Variants in PPFIA1 observed in about 807,000 individuals in gnomAD.
PPFIA1 encodes the protein liprin-alpha-1.
PPFIA1 carries 25 observed loss-of-function variants against 149.9 expected under a neutral mutation model. The observed-to-expected ratio is 0.17, with a 90% CI of 0.12 to 0.23. The LOEUF (loss-of-function observed/expected upper bound fraction) is 0.23. Ranked by LOEUF, PPFIA1 falls within the 10% of genes least tolerant of loss-of-function variation. PPFIA1 has a pLI of 1.00. For synonymous variants in PPFIA1, 549 were observed against 552.8 expected (o/e 0.99, Z 0.10); for missense variants, 1,362 against 1,506.5 (o/e 0.90, Z 1.59).
intron 2 of PPFIA1, among the ~76,000 whole-genome samples, chr11:70,288,069 CTTT>C (rs56261744): frequency 7.2e-6 from 1 of 138,132 alleles, no homozygotes; most frequent in Non-Finnish European, 1.5e-5. Flanking sequence ...CTCACCTCTG[CTTT>C]TTTTTTTTTT....
chr11:70,360,254 G>C (rs2056571094), intron 19 of PPFIA1, among the ~76,000 whole-genome samples: 1 of 152,246 alleles, frequency 6.6e-6, no homozygotes, highest in Admixed American at 6.5e-5. Context: ...ATCATTGCCA[G>C]GAAGAGGGTA....
intron 2 of PPFIA1, among the ~76,000 whole-genome samples, chr11:70,307,863 C>G (rs374941582): frequency 2.0e-5 from 3 of 152,156 alleles, no homozygotes; most frequent in East Asian, 1.9e-4. Flanking sequence ...GTGTTCAGGG[C>G]TCCAGTGAGC....
intron 2 of PPFIA1, among the ~76,000 whole-genome samples, chr11:70,291,893 A>C (rs2051551323): frequency 7.4e-6 from 1 of 135,712 alleles, no homozygotes; most frequent in Non-Finnish European, 1.5e-5. Flanking sequence ...GCTGGAGTGT[A>C]GTGGTGCGAT....
intron 1 of PPFIA1, 109 bp from the exon 2 acceptor site, chr11:70,272,064 G>A (rs967273409): frequency 8.3e-7 from 1 of 1,208,158 alleles, no homozygotes; most frequent in Non-Finnish European, 1.2e-6. Context: ...ACAGATCTGA[G>A]CATAATGAGA....
intron 13 of PPFIA1, 48 bp downstream of exon 13, chr11:70,338,501 G>A: frequency 3.3e-6 from 5 of 1,502,912 alleles, no homozygotes; most frequent in Non-Finnish European, 4.6e-6. Context: ...CCTGTGGCAG[G>A]CCAGTTCTTG....
chr11:70,337,692 T>C (rs1003993342), intron 12 of PPFIA1, among the ~76,000 whole-genome samples: 1 of 152,246 alleles, frequency 6.6e-6, no homozygotes, highest in Non-Finnish European at 1.5e-5. Flanking sequence ...ATGACAGTGC[T>C]GTCCAACAGA....
At chr11:70,375,466 A>G (rs1285073273) in intron 24 of PPFIA1, 1 of 156,256 alleles carries the variant, frequency 6.4e-6, no homozygotes, top group East Asian at 1.8e-4. Context: ...GGCTCATTTG[A>G]AAAACAGGGA....
intron 2 of PPFIA1, among the ~76,000 whole-genome samples, chr11:70,285,951 A>G (rs375852667): frequency 6.6e-6 from 1 of 152,120 alleles, no homozygotes; most frequent in Non-Finnish European, 1.5e-5. Context: ...CCAAACTTAC[A>G]TAGTTCGGTT....
chr11:70,295,679 C>T (rs542503864), intron 2 of PPFIA1, among the ~76,000 whole-genome samples: 25,639 of 126,690 alleles, frequency 0.2, 3,992 homozygotes, highest in African/African-American at 0.44. Context: ...GCTGGCCGGG[C>T]CGGGGGCTGA....
rs529786935 is a variant in PPFIA1, at chr11:70,300,458, C to T, written c.265-23944C>T. On this transcript the variant is annotated intron_variant, in intron 2 of 27. Transcript: ENST00000253925. ...GATCTGGGCTCACTGCAGCCTCCGT[C>T]TCCTGGGTTCAAGCACTTCTCCTGC... Among the ~76,000 whole-genome samples, 229 of 152,154 alleles carry T rather than the reference C, an allele frequency of 1.5e-3. 1 individual carries two copies. The highest frequency in any genetic ancestry group is 5.4e-3 in the African/African-American group (222 of 41,488).
chr11:70,353,278 A>G (rs1271991789), intron 16 of PPFIA1, among the ~76,000 whole-genome samples: 1 of 152,186 alleles, frequency 6.6e-6, no homozygotes, highest in Non-Finnish European at 1.5e-5. Context: ...GGCCGAGGCA[A>G]GAATCAGTTG....
intron 2 of PPFIA1, among the ~76,000 whole-genome samples, chr11:70,274,254 C>T (rs1265818365): frequency 6.6e-6 from 1 of 152,148 alleles, no homozygotes; most frequent in Non-Finnish European, 1.5e-5. Context: ...ATTGTGGAGG[C>T]AAGTTAGAGT....
chr11:70,352,108 G>A (rs1386967967), intron 16 of PPFIA1, among the ~76,000 whole-genome samples: 1 of 152,226 alleles, frequency 6.6e-6, no homozygotes, highest in East Asian at 1.9e-4. Context: ...AAAGGCAGCT[G>A]TCCTCTGACA....
chr11:70,380,836 G>GATT (rs962125015), intron 26 of PPFIA1, among the ~76,000 whole-genome samples: 11 of 151,244 alleles, frequency 7.3e-5, no homozygotes, highest in East Asian at 4.0e-4. Context: ...CTGCTAAAGG[G>GATT]ATTATTATTA....
Position 70,372,250 on chromosome 11 carries a change from C to G in PPFIA1, c.2901C>G (p.Ile967Met). 6.2e-7 allele frequency: 1 copy of G among 1,614,126 alleles called. No homozygotes were observed. The highest frequency in any genetic ancestry group is 2.2e-5 in the East Asian group (1 of 44,884). Residue 967 changes from isoleucine to methionine, a missense_variant, in exon 22 of 28, where the codon ATC (isoleucine) becomes ATG (methionine). Physicochemically the swap from Ile to Met is conservative, Grantham distance 10. Around this residue, in one of 7 missense-constraint regions of PPFIA1, gnomAD observed 349 missense variants for 373.3 expected, o/e 0.93. Coordinates refer to ENST00000253925, the MANE Select transcript of PPFIA1 (RefSeq NM_003626.5). ...LAYGDMNHEW[I>M]GNEWLPSLGL... ...ATGGGGACATGAACCACGAGTGGAT[C>G]GGCAACGAGTGGCTCCCCAGCCTGG...
intron 1 of PPFIA1, chr11:70,271,295 G>A (rs1156680333): frequency 6.6e-6 from 1 of 152,542 alleles, no homozygotes; most frequent in African/African-American, 2.4e-5. Flanking sequence ...GGCTCGAGCA[G>A]GCTGGAGGTC....
At chr11:70,341,063 G>A in intron 14 of PPFIA1, 1 of 344,648 alleles carries the variant, frequency 2.9e-6, no homozygotes, top group Non-Finnish European at 5.6e-6. Context: ...TCATTTGAGT[G>A]AGGTGCTGAG....
In PPFIA1 at chr11:70,324,993, C is replaced by A; in HGVS notation, c.513C>A (p.His171Gln). 1 of 1,609,958 alleles carries A rather than the reference C, an allele frequency of 6.2e-7. No individual in the cohort carries two copies. The highest frequency in any genetic ancestry group is 8.5e-7 in the Non-Finnish European group (1 of 1,178,966). ...CACTGAAGTCCTTATTTGAACACCA[C>A]AAAGCTCTGGATGAAAAGGTGCCAT... ...LKALKSLFEH[H>Q]KALDEKVRER... Residue 171 changes from histidine to glutamine, a missense_variant, in exon 4 of 28, where the codon CAC (histidine) becomes CAA (glutamine). Transcript: ENST00000253925.
At chr11:70,289,409 T>G (rs2051375264) in intron 2 of PPFIA1, among the ~76,000 whole-genome samples, 1 of 152,236 alleles carries the variant, frequency 6.6e-6, no homozygotes, top group Non-Finnish European at 1.5e-5. Flanking sequence ...AAACTGATGA[T>G]TTTGATTTCT....
Sources: gnomAD v4.1 joint callset for allele counts (sites outside exome capture counted in the v4.1 genomes callset) on GRCh38, gnomAD v4.1.1 for gene constraint, gnomAD v4.1.1 regional missense constraint, MANE v1.5 for transcripts, NCBI Gene and HGNC (gene_info 2026-07-23, HGNC 2026-07-21) for gene names.